RIBC2: variants seen among roughly 807,000 people sequenced by gnomAD.
The protein encoded by RIBC2 is RIB43A-like with coiled-coils protein 2.
RIBC2 carries 40 observed loss-of-function variants against 44.3 expected under a neutral mutation model. The ratio of observed to expected loss-of-function variants is 0.90; its 90% CI spans 0.70 to 1.18. RIBC2 has a LOEUF of 1.18. Among genes scored for constraint, RIBC2 ranks in the 50% most tolerant of loss-of-function variants. The pLI, the probability that RIBC2 is intolerant of heterozygous loss-of-function variation, is 0.00. For missense variants in RIBC2, 459 were observed against 485.5 expected, an observed-to-expected ratio of 0.95 and a Z score of 0.51; for synonymous variants, 171 against 175.0, an observed-to-expected ratio of 0.98 and a Z score of 0.18.
chr22:45,432,098 G>T (rs2087585191), intron 6 of RIBC2, among the ~76,000 whole-genome samples, 186 bp from the exon 7 acceptor site: 1 of 152,144 alleles, frequency 6.6e-6, no homozygotes, highest in South Asian at 2.1e-4. Flanking sequence ...ATTAAAAAGT[G>T]ACCCTCGCCG....
chr22:45,420,536 C>G (rs918035450), intron 3 of RIBC2, among the ~76,000 whole-genome samples: 1 of 152,238 alleles, frequency 6.6e-6, no homozygotes, highest in Non-Finnish European at 1.5e-5. Flanking sequence ...GGTTCTTCAG[C>G]AGTCTCCTTG....
chr22:45,429,190 G>A (rs193265190), intron 5 of RIBC2, among the ~76,000 whole-genome samples: 13 of 152,342 alleles, frequency 8.5e-5, no homozygotes, highest in South Asian at 2.1e-4. Context: ...AGCATCGGCC[G>A]GGTGGGGCCT....
intron 3 of RIBC2, among the ~76,000 whole-genome samples, chr22:45,421,539 TA>T (rs1569208862): frequency 5.2e-5 from 2 of 38,360 alleles, no homozygotes; most frequent in Non-Finnish European, 8.0e-5. Context: ...GTATTATTAA[TA>T]ATATTAATAA....
rs2087386835 is a variant in RIBC2 at position 45,413,747 on chromosome 22, G to C, written c.-140G>C. On this transcript the variant is annotated 5_prime_UTR_variant, in exon 1 of 7. Transcript: ENST00000614167. The stretch of plus-strand genomic sequence containing the variant: ...GTCTGTACCTCTGCGGCGTCACTGG[G>C]AGCCCGACGGAAAACTGCGCTAAAG... The C allele has an allele frequency of 4.7e-6, 6 of 1,280,474 alleles. No individual in the cohort carries two copies. Among genetic ancestry groups the C allele is most frequent in the Non-Finnish European group, 6.4e-6 (6 of 938,174 alleles). The allele number at this position is 1,280,474 out of a possible 1,614,324, so 79.3% of individuals were successfully genotyped here. A position where few individuals can be genotyped will look rare whatever the true frequency, so the allele number is the denominator to read the frequency against.
rs370302435 is a variant in RIBC2 at position 45,421,335 on chromosome 22, A to C, written c.557-955A>C. ...ATTATTATTATTAATACTATTATTA[A>C]TAATAATAATTAAATAATTAATTAT... On this transcript the variant is annotated intron_variant, in intron 3 of 6. Coordinates refer to ENST00000614167, the MANE Select transcript of RIBC2 (RefSeq NM_015653.5). 3.1e-4 allele frequency among the ~76,000 whole-genome samples: 8 copies of C among 25,904 alleles called. No individual in the cohort carries two copies. In the African/African-American group the frequency reaches 0.011, roughly 36 times the overall value. The allele number at this position is 25,904 out of a possible 152,430, so 17.0% of individuals were successfully genotyped here.
At chr22:45,421,299 A>G (rs1439399815) in intron 3 of RIBC2, among the ~76,000 whole-genome samples, 2 of 89,882 alleles carry the variant, frequency 2.2e-5, no homozygotes, top group Non-Finnish European at 3.8e-5. Flanking sequence ...ATGTCAAATA[A>G]TAATAATACT....
intron 5 of RIBC2, among the ~76,000 whole-genome samples, chr22:45,427,809 A>AT (rs2087547181): frequency 6.6e-6 from 1 of 152,016 alleles, no homozygotes. Flanking sequence ...TGCTTTTTGT[A>AT]TTTTTTGTAG....
chr22:45,418,113 A>C (rs1168647644), intron 3 of RIBC2, 167 bp downstream of exon 3: 5 of 543,434 alleles, frequency 9.2e-6, no homozygotes, highest in Non-Finnish European at 1.6e-5. Flanking sequence ...AGACAGCCAC[A>C]TGCTACTTTG....
intron 3 of RIBC2, among the ~76,000 whole-genome samples, chr22:45,420,642 T>C (rs2087468913): frequency 6.6e-6 from 1 of 152,196 alleles, no homozygotes; most frequent in Admixed American, 6.5e-5. Context: ...AACTAACTGG[T>C]ACCTCCTGCC....
intron 4 of RIBC2, chr22:45,422,628 C>T: frequency 1.8e-6 from 1 of 546,704 alleles, no homozygotes; most frequent in South Asian, 2.0e-5. Context: ...ACCTGCCAAA[C>T]TAGCCATGTA....
chr22:45,427,561 C>T (rs1286092440), intron 5 of RIBC2, among the ~76,000 whole-genome samples: 1 of 152,212 alleles, frequency 6.6e-6, no homozygotes, highest in African/African-American at 2.4e-5. Flanking sequence ...GCCCAGGAGG[C>T]AGCTGGATAT....
chr22:45,422,804 G>A (rs1218322612), intron 4 of RIBC2, among the ~76,000 whole-genome samples: 1 of 152,020 alleles, frequency 6.6e-6, no homozygotes, highest in African/African-American at 2.4e-5. Flanking sequence ...ACAGCTACTT[G>A]GATGCTCACC....
intron 3 of RIBC2, among the ~76,000 whole-genome samples, chr22:45,418,565 C>T (rs13056223): frequency 5.8e-4 from 88 of 152,222 alleles, no homozygotes; most frequent in Non-Finnish European, 1.0e-3. Context: ...CCCGCCCAGC[C>T]ACTTCTGTGC....
intron 6 of RIBC2, among the ~76,000 whole-genome samples, chr22:45,431,522 C>G (rs1274277416): frequency 6.6e-6 from 1 of 152,234 alleles, no homozygotes; most frequent in African/African-American, 2.4e-5. Flanking sequence ...AACAGGTGAA[C>G]TTGCACCTGA....
At chr22:45,422,682 T>C (rs1569209469) in intron 4 of RIBC2, among the ~76,000 whole-genome samples, 1 of 152,236 alleles carries the variant, frequency 6.6e-6, no homozygotes, top group East Asian at 1.9e-4. Flanking sequence ...GGTTTCTTCT[T>C]CTGTAACATG....
In RIBC2 at chr22:45,422,422, G is replaced by A. The variant is rs748278724; in HGVS notation, c.675+14G>A. 1.9e-5 allele frequency: 30 copies of A among 1,580,550 alleles called. No individual in the cohort carries two copies. Among genetic ancestry groups the A allele is most frequent in the Admixed American group, 5.0e-5 (3 of 59,962 alleles). On this transcript the variant is annotated intron_variant, in intron 4 of 6. Coordinates refer to ENST00000614167, the MANE Select transcript of RIBC2 (RefSeq NM_015653.5). ...AACAAGAGCCAGGTATAGGTACTCC[G>A]CGACCTCGGGCTCGACGACTGGAGG...
chr22:45,430,817 G>A, intron 5 of RIBC2, 83 bp from the exon 6 acceptor site: 1 of 1,421,904 alleles, frequency 7.0e-7, no homozygotes, highest in South Asian at 1.5e-5. Flanking sequence ...TCTGTAGAAT[G>A]AGAGGCCAGG....
In RIBC2 at chr22:45,431,079, T is replaced by TGGGACC. The variant is rs1569212477; in HGVS notation, c.1070+14_1070+19dup. 7.0e-6 allele frequency: 11 copies of TGGGACC among 1,563,648 alleles called. No homozygotes were observed. The highest frequency in any genetic ancestry group is 9.5e-6 in the Non-Finnish European group (11 of 1,154,142). ...AGCAGCATTTGCAGTGAGTGCTGGGTGGGACCAGGGCCAGGTGGGGGACCG... is the reference window on the plus strand; with the variant it reads ...AGCAGCATTTGCAGTGAGTGCTGGGTGGGACCGGGACCAGGGCCAGGTGGGGGACCG... On this transcript the variant is annotated intron_variant, in intron 6 of 6. Transcript: ENST00000614167.
At chr22:45,415,584 T>C (rs1023668146) in intron 2 of RIBC2, among the ~76,000 whole-genome samples, 1 of 138,446 alleles carries the variant, frequency 7.2e-6, no homozygotes, top group Non-Finnish European at 1.5e-5. Context: ...TTTTTGAGAA[T>C]TGTGTTTTTT....
Sources: gnomAD v4.1 joint callset for allele counts (sites outside exome capture counted in the v4.1 genomes callset) on GRCh38, gnomAD v4.1.1 for gene constraint, MANE v1.5 for transcripts, NCBI Gene and HGNC (gene_info 2026-07-23, HGNC 2026-07-21) for gene names.